NBAS: variants seen among roughly 807,000 people sequenced by gnomAD.
NBAS encodes NBAS subunit of NRZ tethering complex.
In NBAS, 219 loss-of-function variants were observed where a neutral mutation model predicts 302.5. That is an observed-to-expected ratio of 0.72 (90% confidence interval 0.65 to 0.81). The LOEUF is 0.81. NBAS is among the 30% of genes least tolerant of loss of function. The pLI, the probability that NBAS is intolerant of heterozygous loss-of-function variation, is 0.00. For missense variants in NBAS, 2,932 were observed against 2,841.6 expected (o/e 1.03, Z -0.72); for synonymous variants, 1,118 against 1,021.6 (o/e 1.09, Z -1.80).
chr2:15,237,456 C>T (rs1667644707), intron 45 of NBAS, among the ~76,000 whole-genome samples: 2 of 151,144 alleles, frequency 1.3e-5, no homozygotes, highest in African/African-American at 4.9e-5. Flanking sequence ...AAACATGCAA[C>T]ATAAAAACAG....
chr2:14,986,698 GACA>G, the NBAS span, among the ~76,000 whole-genome samples: 4 of 152,092 alleles, frequency 2.6e-5, no homozygotes, highest in South Asian at 8.3e-4. Flanking sequence ...TTTCCAATGA[GACA>G]ACTTCAGTGT....
intron 35 of NBAS, among the ~76,000 whole-genome samples, chr2:15,342,563 A>T (rs922945209): frequency 6.6e-6 from 1 of 152,134 alleles, no homozygotes; most frequent in African/African-American, 2.4e-5. Flanking sequence ...ATATGGAAGG[A>T]AACATATGAA....
At chr2:14,836,220 C>G in the NBAS span, among the ~76,000 whole-genome samples, 3 of 151,894 alleles carry the variant, frequency 2.0e-5, no homozygotes, top group African/African-American at 7.2e-5. Context: ...TGTACTCTCA[C>G]TCTATAAATA....
At chr2:14,938,133 A>T in the NBAS span, among the ~76,000 whole-genome samples, 45 of 152,228 alleles carry the variant, frequency 3.0e-4, no homozygotes, top group Non-Finnish European at 4.1e-4. Flanking sequence ...CTCAAAAAAT[A>T]AAAAAAATTA....
the NBAS span, among the ~76,000 whole-genome samples, chr2:15,094,226 A>T: frequency 6.6e-6 from 1 of 152,216 alleles, no homozygotes; most frequent in Admixed American, 6.5e-5. Context: ...CTATTAAGGT[A>T]ACTGTTTGGA....
intron 44 of NBAS, among the ~76,000 whole-genome samples, chr2:15,263,716 C>A (rs1375360182): frequency 6.6e-6 from 1 of 152,186 alleles, no homozygotes; most frequent in Non-Finnish European, 1.5e-5. Flanking sequence ...AGCTCAAATA[C>A]CTTTTATACT....
chr2:15,384,308 T>C (rs1675183890), intron 28 of NBAS, among the ~76,000 whole-genome samples: 1 of 152,238 alleles, frequency 6.6e-6, no homozygotes, highest in African/African-American at 2.4e-5. Context: ...TCATTTAATA[T>C]TCTTGACTTT....
chr2:14,981,592 C>A, the NBAS span, among the ~76,000 whole-genome samples: 2 of 152,220 alleles, frequency 1.3e-5, no homozygotes, highest in African/African-American at 4.8e-5. Context: ...CTTCCTAGCC[C>A]TCTTTGTATC....
chr2:15,042,224 C>T, the NBAS span, among the ~76,000 whole-genome samples: 62 of 152,250 alleles, frequency 4.1e-4, no homozygotes, highest in African/African-American at 1.2e-3. Flanking sequence ...CCTGTAAGTG[C>T]GTAATTGCCA....
chr2:14,995,565 G>A, the NBAS span, among the ~76,000 whole-genome samples: 6 of 152,144 alleles, frequency 3.9e-5, no homozygotes, highest in East Asian at 3.9e-4. Context: ...TCCCCATTCC[G>A]TCCTACTCCA....
intron 11 of NBAS, among the ~76,000 whole-genome samples, chr2:15,496,080 A>T (rs1170262916): frequency 7.2e-6 from 1 of 139,380 alleles, no homozygotes; most frequent in Non-Finnish European, 1.6e-5. Context: ...ATATACACAC[A>T]CACATACATA....
Position 15,318,766 on chromosome 2 carries a change from T to C in NBAS, c.4582+8984A>G, listed in dbSNP as rs1449191936. 3.9e-5 allele frequency among the ~76,000 whole-genome samples: 6 copies of C among 152,240 alleles called. No homozygotes were observed. In the East Asian group the frequency reaches 9.7e-4, roughly 25 times the overall value. On this transcript the variant is annotated intron_variant, in intron 38 of 51. Transcript: ENST00000281513. Reference sequence around the variant, plus strand: ...TTCATAAAGCAAGTCCTTAGAGACCTAAAAGAGACTTAGACTCCCACACAC... The same window carrying C: ...TTCATAAAGCAAGTCCTTAGAGACCCAAAAGAGACTTAGACTCCCACACAC...
At chr2:15,449,987 A>C (rs1406668144) in intron 21 of NBAS, among the ~76,000 whole-genome samples, 3 of 152,186 alleles carry the variant, frequency 2.0e-5, no homozygotes, top group Admixed American at 2.0e-4. Context: ...AAACACTTTT[A>C]TGTTTCCCTG....
At chr2:14,840,175 T>C in the NBAS span, among the ~76,000 whole-genome samples, 1 of 151,832 alleles carries the variant, frequency 6.6e-6, no homozygotes. Flanking sequence ...AGAAGCATAA[T>C]ATTTCAAGCA....
At chr2:15,354,310 G>A (rs1673512652) in intron 33 of NBAS, among the ~76,000 whole-genome samples, 1 of 152,166 alleles carries the variant, frequency 6.6e-6, no homozygotes, top group African/African-American at 2.4e-5. Context: ...TCCCAGCAGG[G>A]ATCTTTTTCC....
chr2:15,232,322 G>A (rs1319147387), intron 47 of NBAS, 100 bp downstream of exon 47: 1 of 1,090,406 alleles, frequency 9.2e-7, no homozygotes, highest in East Asian at 2.5e-5. Context: ...CTAAAAATGT[G>A]GCTTAGTCTT....
At chr2:14,882,000 T>C in the NBAS span, among the ~76,000 whole-genome samples, 1 of 152,132 alleles carries the variant, frequency 6.6e-6, no homozygotes. Flanking sequence ...TGTGTAAATG[T>C]CCCATGTAAC....
the NBAS span, among the ~76,000 whole-genome samples, chr2:14,809,419 G>A: frequency 6.6e-6 from 1 of 152,196 alleles, no homozygotes; most frequent in Non-Finnish European, 1.5e-5. Context: ...GGCTAACAGG[G>A]GTCAAGGTAC....
In NBAS at chr2:15,396,475, A is replaced by G; in HGVS notation, c.3072T>C (p.Gly1024=). 2.5e-6 allele frequency: 4 copies of G among 1,575,808 alleles called. No individual in the cohort carries two copies. Among genetic ancestry groups the G allele is most frequent in the Non-Finnish European group, 1.7e-6 (2 of 1,164,948 alleles). The stretch of plus-strand genomic sequence containing the variant: ...GCTTTGTGGTTGCCTCTGTCTTATC[A>G]CTAATAAATTAAAAGAAGAAAAAAA... ...LLECLPERGY[G]DKTEATTKLH... is the part of the protein sequence containing the mutation. The change falls in exon 27 of 52, where the codon GGT becomes GGC. Residue 1024 remains glycine (G), a splice_region_variant and synonymous_variant. Transcript: ENST00000281513.
Sources: gnomAD v4.1 joint callset for allele counts (sites outside exome capture counted in the v4.1 genomes callset) on GRCh38, gnomAD v4.1.1 for gene constraint, MANE v1.5 for transcripts, NCBI Gene and HGNC (gene_info 2026-07-23, HGNC 2026-07-21) for gene names.